NDUFS7: variants seen among roughly 807,000 people sequenced by gnomAD.
NDUFS7 encodes the protein NADH:ubiquinone oxidoreductase core subunit S7.
Under a neutral mutation model 31.1 loss-of-function variants are expected in NDUFS7, and 11 were observed. The ratio of observed to expected loss-of-function variants is 0.35; its 90% CI spans 0.22 to 0.59. The LOEUF (loss-of-function observed/expected upper bound fraction) is 0.59, where lower values mean the gene tolerates loss of function less well. Ranked by LOEUF, NDUFS7 falls within the 20% of genes least tolerant of loss-of-function variation. NDUFS7 has a pLI of 0.79. For synonymous variants in NDUFS7, 136 were observed against 127.9 expected, an observed-to-expected ratio of 1.06 and a Z score of -0.43; for missense variants, 263 against 324.2, an observed-to-expected ratio of 0.81 and a Z score of 1.45.
chr19:1,387,615 C>CCATGCAGTCT, intron 1 of NDUFS7, 196 bp from the exon 2 acceptor site: 1 of 622,586 alleles, frequency 1.6e-6, no homozygotes, highest in Non-Finnish European at 2.9e-6. Context: ...CCTTCCGGGG[C>CCATGCAGTCT]CATGCAGTCT....
chr19:1,389,461 G>A, intron 4 of NDUFS7: 1 of 457,796 alleles, frequency 2.2e-6, no homozygotes, highest in Non-Finnish European at 4.4e-6. Context: ...GGAGGCCCCT[G>A]TGCTGGCCTG....
intron 4 of NDUFS7, chr19:1,390,579 G>A (rs930236432): frequency 3.6e-6 from 2 of 551,106 alleles, no homozygotes; most frequent in Non-Finnish European, 6.5e-6. Flanking sequence ...GAGAGTGGCT[G>A]GAGCCCCCTG....
chr19:1,395,193 G>T, intron 7 of NDUFS7, 198 bp from the exon 8 acceptor site: 2 of 1,424,146 alleles, frequency 1.4e-6, no homozygotes, highest in Non-Finnish European at 1.8e-6. Flanking sequence ...GCCTTGCCCA[G>T]GGGAGGACCC....
At chr19:1,388,971 C>T (rs368271480) in intron 4 of NDUFS7, 33 bp downstream of exon 4, 13 of 1,541,674 alleles carry the variant, frequency 8.4e-6, no homozygotes, top group Admixed American at 5.6e-5. Flanking sequence ...CCTCCTCGAG[C>T]GCCAGGGCCT....
chr19:1,394,261 G>A, intron 7 of NDUFS7: 10 of 837,332 alleles, frequency 1.2e-5, no homozygotes, highest in Non-Finnish European at 1.5e-5. Flanking sequence ...CACCCCGGGG[G>A]CAGTGGAGAG....
chr19:1,395,234 G>A lies in NDUFS7; in HGVS notation c.545-157G>A, dbSNP rs149975630. ...TTCCTGCAGGGACCTCCCCTGCGCC[G>A]GCTCCCAGTCCCTGGCACTGCGCCC... On this transcript the variant is annotated intron_variant, in intron 7 of 7. Transcript: ENST00000233627. 6,166 of 1,438,868 alleles carry A rather than the reference G, an allele frequency of 4.3e-3. 28 individuals carry two copies. The highest frequency in any genetic ancestry group is 0.022 in the Middle Eastern group (85 of 3,906). The allele number at this position is 1,438,868 out of a possible 1,614,324, so 89.1% of individuals were successfully genotyped here. A position where few individuals can be genotyped will look rare whatever the true frequency, so the allele number is the denominator to read the frequency against.
At chr19:1,388,353 C>G in intron 2 of NDUFS7, 172 bp from the exon 3 acceptor site, 1 of 663,086 alleles carries the variant, frequency 1.5e-6, no homozygotes. Context: ...CATTGGGGGT[C>G]GGGGCGATGG....
intron 4 of NDUFS7, chr19:1,389,248 C>A: frequency 1.5e-6 from 1 of 655,926 alleles, no homozygotes; most frequent in Non-Finnish European, 2.8e-6. Context: ...CATGCACACT[C>A]ATGCGCACAT....
chr19:1,395,245 CCTGGCACTGCGCCCACCCAGGG>C, intron 7 of NDUFS7, 124 bp from the exon 8 acceptor site: 1 of 1,453,772 alleles, frequency 6.9e-7, no homozygotes, highest in Non-Finnish European at 9.1e-7. Flanking sequence ...GCTCCCAGTC[CCTGGCACTGCGCCCACCCAGGG>C]CTGTCAGCCT....
rs1034724197 is a variant in NDUFS7 at position 1,393,213 on chromosome 19, A to C, written c.456-29A>C. On this transcript the variant is annotated intron_variant, in intron 6 of 7. Coordinates refer to ENST00000233627, the MANE Select transcript of NDUFS7 (RefSeq NM_024407.5). The surrounding 1 kb of genome is among the most constrained non-coding windows in gnomAD (Gnocchi z 7.3). ...GAGGGTGGGCAGGCGGGTCTTCGGC[A>C]CACTCCCCTCACGGTGCCTCCCCAA... The C allele has an allele frequency of 6.5e-7, 1 of 1,540,938 alleles. No homozygotes were observed. The highest frequency in any genetic ancestry group is 8.8e-7 in the Non-Finnish European group (1 of 1,141,610).
At chr19:1,385,703 C>T (rs2082503265) in intron 1 of NDUFS7, among the ~76,000 whole-genome samples, 1 of 151,814 alleles carries the variant, frequency 6.6e-6, no homozygotes, top group Non-Finnish European at 1.5e-5. Context: ...CCTGTAATCC[C>T]AGCTACTCGG....
intron 1 of NDUFS7, 52 bp from the exon 2 acceptor site, chr19:1,387,759 C>T: frequency 6.3e-7 from 1 of 1,584,918 alleles, no homozygotes; most frequent in Non-Finnish European, 8.6e-7. Context: ...TGGAGGCCGG[C>T]CCTGCGTGCT....
In NDUFS7 at chr19:1,389,204, C is replaced by T. The variant is rs76175054; in HGVS notation, c.228+266C>T. The T allele has an allele frequency of 0.06, 41,553 of 687,378 alleles. 2,908 individuals carry two copies. The highest frequency in any genetic ancestry group is 0.25 in the East Asian group (8,900 of 36,198). The allele number at this position is 687,378 out of a possible 1,614,324, so 42.6% of individuals were successfully genotyped here. A position where few individuals can be genotyped will look rare whatever the true frequency, so the allele number is the denominator to read the frequency against. On this transcript the variant is annotated intron_variant, in intron 4 of 7. Transcript: ENST00000233627. Reference sequence around the variant, plus strand: ...GCACACACAAGCACATGTGCACACACGCTTGCACACATACACACATGCACA... The same window carrying T: ...GCACACACAAGCACATGTGCACACATGCTTGCACACATACACACATGCACA...
chr19:1,384,639 C>G (rs531343094), intron 1 of NDUFS7, among the ~76,000 whole-genome samples: 8 of 152,144 alleles, frequency 5.3e-5, no homozygotes, highest in African/African-American at 1.7e-4. Flanking sequence ...CGCGATCTAG[C>G]GGCAGGTCTA....
At chr19:1,390,228 C>T (rs2082545609) in intron 4 of NDUFS7, 2 of 161,590 alleles carry the variant, frequency 1.2e-5, no homozygotes, top group Non-Finnish European at 1.4e-5. Context: ...ATGGAGGGAA[C>T]CTGAGACATG....
rs764046895 is a variant in NDUFS7, at chr19:1,395,498, C to T, written c.*10C>T. The T allele has an allele frequency of 5.7e-5, 90 of 1,565,342 alleles. No homozygotes were observed. Among genetic ancestry groups the T allele is most frequent in the Middle Eastern group, 1.7e-4 (1 of 6,004 alleles). The stretch of plus-strand genomic sequence containing the variant: ...CTGGTACCGCAGGTAGCGCCGCCGC[C>T]GCCGCCGCCGGAGCCTGTCGCCGTC... On this transcript the variant is annotated 3_prime_UTR_variant, in exon 8 of 8. Coordinates refer to ENST00000233627, the MANE Select transcript of NDUFS7 (RefSeq NM_024407.5).
At chr19:1,389,432 G>GA (rs1340935809) in intron 4 of NDUFS7, 2 of 458,154 alleles carry the variant, frequency 4.4e-6, no homozygotes, top group Non-Finnish European at 8.8e-6. Context: ...TGCGGCCGTG[G>GA]AGCAGGGCGG....
At chr19:1,384,294 G>A (rs1222501352) in intron 1 of NDUFS7, 1 of 356,958 alleles carries the variant, frequency 2.8e-6, no homozygotes, top group Non-Finnish European at 5.0e-6. Context: ...GGGCCTGCCT[G>A]ACAGGCTGGG....
intron 4 of NDUFS7, chr19:1,389,717 C>G: frequency 1.1e-5 from 4 of 349,468 alleles, no homozygotes; most frequent in South Asian, 8.6e-5. Context: ...GCACGTGCAG[C>G]TCCCTCCAGC....
Sources: allele counts gnomAD v4.1 joint callset (sites outside exome capture counted in the v4.1 genomes callset), GRCh38; gene constraint gnomAD v4.1.1; non-coding constraint Gnocchi (gnomAD v3.1); transcripts MANE v1.5; gene names NCBI Gene and HGNC (gene_info 2026-07-23, HGNC 2026-07-21).